Variants in FAM111B observed in about 807,000 individuals in gnomAD.
FAM111B encodes the protein FAM111 trypsin like peptidase B, also known as serine protease FAM111B.
A neutral mutation model predicts 2.8 loss-of-function variants in FAM111B; 1 was observed. The ratio of observed to expected loss-of-function variants is 0.36; its 90% CI spans 0.13 to 1.70. The LOEUF is 1.70. Ranked by LOEUF, FAM111B falls within the 40% of genes most tolerant of loss-of-function variation. The pLI is 0.35. For synonymous variants in FAM111B, 297 were observed against 295.6 expected (o/e 1.00, Z -0.05); for missense variants, 882 against 878.9 (o/e 1.00, Z -0.04).
chr11:59,121,021 A>G (rs1436247020), intron 3 of FAM111B, among the ~76,000 whole-genome samples: 1 of 151,740 alleles, frequency 6.6e-6, no homozygotes, highest in African/African-American at 2.4e-5. Context: ...ACAAAAAATA[A>G]TTCCAGATTA....
chr11:59,112,317 A>G (rs1388392251), intron 3 of FAM111B, among the ~76,000 whole-genome samples: 2 of 152,196 alleles, frequency 1.3e-5, no homozygotes, highest in Non-Finnish European at 2.9e-5. Context: ...AAGATTCATG[A>G]GTGTTGCATG....
In FAM111B at chr11:59,124,286, T is replaced by G. The variant is rs766666078; in HGVS notation, c.189T>G (p.His63Gln). 3.1e-6 allele frequency: 5 copies of G among 1,613,730 alleles called. No individual in the cohort carries two copies. Among genetic ancestry groups the G allele is most frequent in the Non-Finnish European group, 4.2e-6 (5 of 1,179,824 alleles). Residue 63 changes from histidine to glutamine, a missense_variant, in exon 4 of 4, where the codon CAT becomes CAG. Coordinates refer to ENST00000343597, the MANE Select transcript of FAM111B (RefSeq NM_198947.4). Reference protein sequence around the residue: ...TFKLKSEVNKHETALEMQNPN... With the variant: ...TFKLKSEVNKQETALEMQNPN... ...AGCTTAAAAGTGAAGTCAACAAGCA[T>G]GAAACAGCCCTTGAAATGCAGAATC...
chr11:59,121,069 G>GAAAAAAAAAAAA (rs368983942), intron 3 of FAM111B, among the ~76,000 whole-genome samples: 1 of 84,882 alleles, frequency 1.2e-5, no homozygotes, highest in Non-Finnish European at 2.7e-5. Context: ...ACAATTTTTT[G>GAAAAAAAAAAAA]AAAAAAAAAA....
At chr11:59,113,933 G>A (rs1338839953) in intron 3 of FAM111B, among the ~76,000 whole-genome samples, 1 of 152,212 alleles carries the variant, frequency 6.6e-6, no homozygotes, top group Non-Finnish European at 1.5e-5. Context: ...CTACTTTAGG[G>A]ACTAGGCATG....
In FAM111B at chr11:59,125,878, C is replaced by T; in HGVS notation, c.1781C>T (p.Pro594Leu). 1 of 1,613,852 alleles carries T rather than the reference C, an allele frequency of 6.2e-7. No individual in the cohort carries two copies. The highest frequency in any genetic ancestry group is 8.5e-7 in the Non-Finnish European group (1 of 1,179,836). ...AAAATAGATGGTTGTACTGTGATTC[C>T]TCTAAACGAACGATTGAAAAAATAT... Reference protein sequence around the residue: ...IKKIDGCTVIPLNERLKKYPN... With the variant: ...IKKIDGCTVILLNERLKKYPN... Residue 594 changes from proline (P) to leucine (L), a missense_variant, in exon 4 of 4, where the codon CCT (proline) becomes CTT (leucine). Physicochemically the swap from Pro to Leu is moderately conservative, Grantham distance 98 (BLOSUM62 -3). Transcript: ENST00000343597.
At position 59,125,488 on chromosome 11, in the gene FAM111B, T is replaced by C; in HGVS notation, c.1391T>C (p.Met464Thr). Residue 464 changes from methionine (M) to threonine (T), a missense_variant, in exon 4 of 4, where the codon ATG becomes ACG. Met to Thr is a moderately conservative substitution (Grantham distance 81, BLOSUM62 -1). Coordinates refer to ENST00000343597, the MANE Select transcript of FAM111B (RefSeq NM_198947.4). ...LTYYSKSVGF[M>T]QWDNNGNTGN... ...TATTATAGCAAGTCAGTTGGGTTCA[T>C]GCAATGGGACAATAATGGAAACACA... is the stretch of plus-strand genomic sequence containing the variant. 6.2e-7 allele frequency: 1 copy of C among 1,614,008 alleles called. No individual in the cohort carries two copies. Among genetic ancestry groups the C allele is most frequent in the Non-Finnish European group, 8.5e-7 (1 of 1,179,854 alleles).
intron 3 of FAM111B, among the ~76,000 whole-genome samples, chr11:59,114,779 G>A (rs1859813994): frequency 1.3e-5 from 2 of 152,100 alleles, no homozygotes; most frequent in Admixed American, 6.6e-5. Flanking sequence ...ACACTGTAGA[G>A]GGAGAAAGGA....
At chr11:59,108,000 G>A (rs1859692148) in intron 1 of FAM111B, among the ~76,000 whole-genome samples, 1 of 152,230 alleles carries the variant, frequency 6.6e-6, no homozygotes, top group South Asian at 2.1e-4. Context: ...AAGCATTGAG[G>A]TCATCCTGCG....
intron 3 of FAM111B, among the ~76,000 whole-genome samples, chr11:59,110,170 A>G (rs1333108209): frequency 6.6e-6 from 1 of 152,204 alleles, no homozygotes; most frequent in African/African-American, 2.4e-5. Context: ...AACCTAGTCC[A>G]TCAGACTGCA....
In FAM111B at chr11:59,126,307, G is replaced by A; in HGVS notation, c.*5G>A. 6.7e-7 allele frequency: 1 copy of A among 1,501,062 alleles called. No homozygotes were observed. Among genetic ancestry groups the A allele is most frequent in the Admixed American group, 2.4e-5 (1 of 42,054 alleles). 93.0% of individuals were successfully genotyped at this position (1,501,062 alleles called of 1,614,324 possible). On this transcript the variant is annotated 3_prime_UTR_variant, in exon 4 of 4. Transcript: ENST00000343597. ...ATTGAACCCATGGAATGTTAGAAAA[G>A]AGATGCTGTCTTCAAGAAAATATGC...
intron 2 of FAM111B, among the ~76,000 whole-genome samples, chr11:59,109,327 T>A (rs1196916719): frequency 6.6e-6 from 1 of 152,174 alleles, no homozygotes. Flanking sequence ...CCAAAACTCC[T>A]TGCTTGTCTT....
rs1193951386 is a variant in FAM111B at position 59,126,142 on chromosome 11, A to C, written c.2045A>C (p.Glu682Ala). The change falls in exon 4 of 4, where the codon GAA becomes GCA. Residue 682 changes from glutamate to alanine, a missense_variant. Glu to Ala is a moderately radical substitution (Grantham distance 107, BLOSUM62 -1). Transcript: ENST00000343597. ...GGATTTAATGTGCATGCCCTTATTG[A>C]ATTTGGTTATTCTATGGATTCTATT... The part of the protein sequence containing the change: ...QRGFNVHALI[E>A]FGYSMDSILC... 1 of 1,612,520 alleles carries C rather than the reference A, an allele frequency of 6.2e-7. No homozygotes were observed. Among genetic ancestry groups the C allele is most frequent in the Non-Finnish European group, 8.5e-7 (1 of 1,179,470 alleles).
In FAM111B at chr11:59,125,348, G is replaced by T; in HGVS notation, c.1251G>T (p.Arg417=). The T allele has an allele frequency of 6.2e-7, 1 of 1,613,850 alleles. No individual in the cohort carries two copies. The highest frequency in any genetic ancestry group is 8.5e-7 in the Non-Finnish European group (1 of 1,179,824). ...EEAQWVRKYF[R]EEQKRMNLSP... ...CACAGTGGGTAAGAAAATATTTTCGGGAAGAACAAAAGAGAATGAATCTTT... is the reference window on the plus strand; with the variant it reads ...CACAGTGGGTAAGAAAATATTTTCGTGAAGAACAAAAGAGAATGAATCTTT... The change falls in exon 4 of 4, where the codon CGG becomes CGT. Residue 417 remains arginine, a synonymous_variant. Transcript: ENST00000343597.
chr11:59,108,945 A>G (rs942714205), intron 2 of FAM111B, among the ~76,000 whole-genome samples: 1 of 152,170 alleles, frequency 6.6e-6, no homozygotes, highest in African/African-American at 2.4e-5. Flanking sequence ...CATATTTTAC[A>G]TGGAAACCAT....
intron 3 of FAM111B, among the ~76,000 whole-genome samples, chr11:59,123,142 ATTTTC>A (rs1234137897): frequency 6.6e-6 from 1 of 152,164 alleles, no homozygotes; most frequent in Non-Finnish European, 1.5e-5. Context: ...ATTTTAATAT[ATTTTC>A]TTAGTGCTGT....
At chr11:59,108,628 AT>A (rs1474630741) in intron 1 of FAM111B, 39 bp from the exon 2 acceptor site, 1 of 152,598 alleles carries the variant, frequency 6.6e-6, no homozygotes, top group Non-Finnish European at 1.5e-5. Flanking sequence ...ATTGTTTCAT[AT>A]GTTTTGCTCT....
At position 59,125,680 on chromosome 11, in the gene FAM111B, A is replaced by T; in HGVS notation, c.1583A>T (p.Asn528Ile). The T allele has an allele frequency of 6.2e-7, 1 of 1,613,904 alleles. No homozygotes were observed. The highest frequency in any genetic ancestry group is 8.5e-7 in the Non-Finnish European group (1 of 1,179,828). The change falls in exon 4 of 4, where the codon AAT becomes ATT. Residue 528 changes from asparagine to isoleucine, a missense_variant. Coordinates refer to ENST00000343597, the MANE Select transcript of FAM111B (RefSeq NM_198947.4). ...ACAGAGTTCTGCCCTACTCCTGACA[A>T]TTGGTTTTCCATTGAGCCATGGCTT... is the stretch of plus-strand genomic sequence containing the variant. ...TYTEFCPTPD[N>I]WFSIEPWLKV...
At chr11:59,118,218 TC>T (rs895191888) in intron 3 of FAM111B, among the ~76,000 whole-genome samples, 8 of 152,188 alleles carry the variant, frequency 5.3e-5, no homozygotes, top group Non-Finnish European at 1.0e-4. Context: ...GGTGGAATTT[TC>T]CTTTTGATTC....
In FAM111B at chr11:59,109,714, T is replaced by C; in HGVS notation, c.81+8T>C. 1 of 1,579,386 alleles carries C rather than the reference T, an allele frequency of 6.3e-7. No individual in the cohort carries two copies. The highest frequency in any genetic ancestry group is 8.7e-7 in the Non-Finnish European group (1 of 1,151,016). On this transcript the variant is annotated splice_region_variant and intron_variant, in intron 3 of 3. Transcript: ENST00000343597. ...AGACCTGAAGTTTCAAAGGTATATC[T>C]ACTTTTTTACAACTCCTCAGAGGAG...
Sources: allele counts gnomAD v4.1 joint callset (sites outside exome capture counted in the v4.1 genomes callset), GRCh38; gene constraint gnomAD v4.1.1; transcripts MANE v1.5; gene names NCBI Gene and HGNC (gene_info 2026-07-23, HGNC 2026-07-21).